Variants in LRP2 observed in about 807,000 individuals in gnomAD.
LRP2 encodes low-density lipoprotein receptor-related protein 2.
LRP2 carries 172 observed loss-of-function variants against 531.0 expected under a neutral mutation model. That is an observed-to-expected ratio of 0.32 (90% CI 0.29 to 0.37). The LOEUF is 0.37. Among genes scored for constraint, LRP2 ranks in the 10% least tolerant of loss-of-function variants. LRP2 has a pLI of 1.00. For synonymous variants in LRP2, 1,992 were observed against 2,027.6 expected, an observed-to-expected ratio of 0.98 and a Z score of 0.47; for missense variants, 5,167 against 5,868.3, an observed-to-expected ratio of 0.88 and a Z score of 3.90.
intron 17 of LRP2, among the ~76,000 whole-genome samples, chr2:169,258,746 A>G (rs1187479229): frequency 6.6e-6 from 1 of 152,076 alleles, no homozygotes; most frequent in Non-Finnish European, 1.5e-5. Context: ...AATCTATATC[A>G]CATTGTTTGG....
chr2:169,167,339 C>G (rs1339428120), intron 61 of LRP2, among the ~76,000 whole-genome samples: 1 of 152,124 alleles, frequency 6.6e-6, no homozygotes, highest in Admixed American at 6.5e-5. Context: ...CTTCACAAGT[C>G]AAATCTCTGG....
chr2:169,145,660 T>G, intron 70 of LRP2, 87 bp downstream of exon 70: 1 of 1,292,682 alleles, frequency 7.7e-7, no homozygotes. Context: ...TGTTGTTATC[T>G]ACTGCCATCT....
rs371697812 is a variant in LRP2 at position 169,135,385 on chromosome 2, G to T, written c.13620+2007C>A. Among the ~76,000 whole-genome samples the T allele has an allele frequency of 3.3e-5, 5 of 152,290 alleles. 1 individual carries two copies. On this transcript the variant is annotated intron_variant, in intron 76 of 78. Coordinates refer to ENST00000649046, the MANE Select transcript of LRP2 (RefSeq NM_004525.3). ...CTGGGTAGACACTTTCACAGGATAG[G>T]AAGAGGCCTTTCCCACAGGGTCTGA...
At chr2:169,295,334 C>T (rs1320363699) in intron 4 of LRP2, among the ~76,000 whole-genome samples, 1 of 152,178 alleles carries the variant, frequency 6.6e-6, no homozygotes, top group African/African-American at 2.4e-5. Flanking sequence ...CCTGAAAAGA[C>T]CATGTCTGGT....
chr2:169,195,842 T>C (rs1429382643), intron 46 of LRP2, among the ~76,000 whole-genome samples: 1 of 152,154 alleles, frequency 6.6e-6, no homozygotes, highest in Non-Finnish European at 1.5e-5. Context: ...CAACACAGAA[T>C]TTAAACCTGA....
At chr2:169,286,354 GT>G (rs1207882935) in intron 9 of LRP2, among the ~76,000 whole-genome samples, 1 of 152,212 alleles carries the variant, frequency 6.6e-6, no homozygotes, top group Non-Finnish European at 1.5e-5. Context: ...GAAGATGTCT[GT>G]TGTGGAACTT....
At chr2:169,285,849 G>A (rs1039156698) in intron 9 of LRP2, among the ~76,000 whole-genome samples, 24 of 152,164 alleles carry the variant, frequency 1.6e-4, no homozygotes, top group Non-Finnish European at 2.9e-4. Context: ...TTCGTGTCAG[G>A]ATTATTCAAT....
intron 68 of LRP2, 148 bp from the exon 69 acceptor site, chr2:169,147,107 A>T (rs1403521984): frequency 1.4e-6 from 1 of 693,974 alleles, no homozygotes; most frequent in African/African-American, 1.8e-5. Context: ...TTTACAGAAG[A>T]TGGGGAGCAA....
intron 4 of LRP2, among the ~76,000 whole-genome samples, chr2:169,302,755 A>T (rs1018364665): frequency 2.1e-5 from 3 of 139,712 alleles, no homozygotes; most frequent in Non-Finnish European, 4.7e-5. Flanking sequence ...TTTTTTTTTT[A>T]ACAAGTAAAT....
chr2:169,195,953 A>G (rs1263178134), intron 46 of LRP2, among the ~76,000 whole-genome samples: 2 of 152,184 alleles, frequency 1.3e-5, no homozygotes, highest in Non-Finnish European at 2.9e-5. Flanking sequence ...TACGATGTTA[A>G]TATTTACTGC....
At chr2:169,256,084 C>G in intron 19 of LRP2, 22 bp downstream of exon 19, 2 of 1,610,828 alleles carry the variant, frequency 1.2e-6, no homozygotes, top group Non-Finnish European at 1.7e-6. Context: ...ACAATACATA[C>G]TTTTATTGCT....
intron 16 of LRP2, among the ~76,000 whole-genome samples, chr2:169,269,784 A>G (rs889920246): frequency 7.9e-5 from 12 of 152,222 alleles, no homozygotes; most frequent in African/African-American, 2.9e-4. Flanking sequence ...GAGCTTCTGC[A>G]CAGCAAAACA....
In LRP2 at chr2:169,235,942, G is replaced by C; in HGVS notation, c.4818C>G (p.Asp1606Glu). ...TGAAGTAGAGCAGTCTGTTGGGGTA[G>C]TCAATAGTTAAGCCGCAGGGCCAGA... ...KIFWPCGLTI[D>E]YPNRLLYFMD... Residue 1606 changes from aspartate to glutamate, a missense_variant, in exon 29 of 79, where the codon GAC becomes GAG. Around this residue, in one of 6 missense-constraint regions of LRP2, gnomAD observed 2,811 missense variants for 3,058.0 expected, o/e 0.92. Coordinates refer to ENST00000649046, the MANE Select transcript of LRP2 (RefSeq NM_004525.3). The C allele has an allele frequency of 6.2e-7, 1 of 1,614,178 alleles. No homozygotes were observed. Among genetic ancestry groups the C allele is most frequent in the Non-Finnish European group, 8.5e-7 (1 of 1,180,024 alleles).
At chr2:169,260,122 G>A (rs1360873201) in intron 16 of LRP2, among the ~76,000 whole-genome samples, 2 of 152,102 alleles carry the variant, frequency 1.3e-5, no homozygotes, top group Admixed American at 1.3e-4. Context: ...ACAGATGAGA[G>A]AACCAAGTCA....
In LRP2 at chr2:169,207,142, C is replaced by T; in HGVS notation, c.6578G>A (p.Arg2193Lys). ...VLLKVTVDMP[R>K]HIVVDPKNRY... is the part of the protein sequence containing the mutation. ...GTTCTTGGGATCTACAACAATATGCCTAGGCATGTCCACTGTGACTTTAAG... is the reference window on the plus strand; with the variant it reads ...GTTCTTGGGATCTACAACAATATGCTTAGGCATGTCCACTGTGACTTTAAG... The change falls in exon 39 of 79, where the codon AGG becomes AAG. Residue 2193 changes from arginine to lysine, a missense_variant. Physicochemically the swap from Arg to Lys is conservative, Grantham distance 26 (BLOSUM62 2). Coordinates refer to ENST00000649046, the MANE Select transcript of LRP2 (RefSeq NM_004525.3). 6.2e-7 allele frequency: 1 copy of T among 1,613,072 alleles called. No homozygotes were observed. The highest frequency in any genetic ancestry group is 8.5e-7 in the Non-Finnish European group (1 of 1,179,560).
Position 169,212,139 on chromosome 2 carries a change from G to A in LRP2, c.6109C>T (p.Pro2037Ser), listed in dbSNP as rs760973104. Residue 2037 changes from proline (P) to serine (S), a missense_variant, in exon 37 of 79, where the codon CCA becomes TCA. Coordinates refer to ENST00000649046, the MANE Select transcript of LRP2 (RefSeq NM_004525.3). ...NACQQICLPV[P>S]GGLFSCACAT... is the part of the protein sequence containing the mutation. ...CAGGCGCAGGAAAACAATCCTCCTG[G>A]TACAGGCAGGCAAATCTGCTGACAG... 2 of 1,614,006 alleles carry A rather than the reference G, an allele frequency of 1.2e-6. No homozygotes were observed. Among genetic ancestry groups the A allele is most frequent in the South Asian group, 1.1e-5 (1 of 91,080 alleles).
chr2:169,131,243 G>T (rs959104573), intron 77 of LRP2, among the ~76,000 whole-genome samples: 3 of 123,700 alleles, frequency 2.4e-5, no homozygotes, highest in Non-Finnish European at 4.9e-5. Context: ...ATGTATGTCT[G>T]TGAGTGTATG....
chr2:169,152,894 G>T lies in LRP2; in HGVS notation c.12366C>A (p.Asn4122Lys). ...CAAGATTATTGCGGCCGGATTCAAA[G>T]TTGGGGATGTAGGCACGTTTGATAG... Reference protein sequence around the residue: ...FGAIKRAYIPNFESGRNNLVQ... With the variant: ...FGAIKRAYIPKFESGRNNLVQ... The change falls in exon 67 of 79, where the codon AAC becomes AAA. Residue 4122 changes from asparagine (N) to lysine (K), a missense_variant. Transcript: ENST00000649046. The T allele has an allele frequency of 6.2e-7, 1 of 1,614,074 alleles. No homozygotes were observed. Among genetic ancestry groups the T allele is most frequent in the Non-Finnish European group, 8.5e-7 (1 of 1,179,956 alleles).
At chr2:169,354,024 C>T (rs1004483874) in intron 1 of LRP2, among the ~76,000 whole-genome samples, 3 of 152,080 alleles carry the variant, frequency 2.0e-5, no homozygotes, top group African/African-American at 4.8e-5. Context: ...TAAAAATAAA[C>T]GATTTTGATT....
Sources: allele counts gnomAD v4.1 joint callset (sites outside exome capture counted in the v4.1 genomes callset), GRCh38; gene constraint gnomAD v4.1.1; regional missense constraint gnomAD v4.1.1; transcripts MANE v1.5; gene names NCBI Gene and HGNC (gene_info 2026-07-23, HGNC 2026-07-21).